CCDC191: variants seen among roughly 807,000 people sequenced by gnomAD.
The protein encoded by CCDC191 is coiled-coil domain-containing protein 191.
A neutral mutation model predicts 114.0 loss-of-function variants in CCDC191; 99 were observed. The ratio of observed to expected loss-of-function variants is 0.87; its 90% CI spans 0.74 to 1.03. The LOEUF (loss-of-function observed/expected upper bound fraction) is 1.03, where lower values mean the gene tolerates loss of function less well. Among genes scored for constraint, CCDC191 ranks in the 50% least tolerant of loss-of-function variants. The probability of loss-of-function intolerance (pLI) is 0.00; values close to 1 mark genes in which losing one functional copy is unlikely to be tolerated. For synonymous variants in CCDC191, 351 were observed against 376.0 expected (o/e 0.93, Z 0.77); for missense variants, 973 against 1,087.0 (o/e 0.90, Z 1.47).
intron 13 of CCDC191, among the ~76,000 whole-genome samples, chr3:113,996,170 T>A (rs1344819977): frequency 6.6e-6 from 1 of 152,120 alleles, no homozygotes; most frequent in African/African-American, 2.4e-5. Context: ...GCAATTGCTA[T>A]TGGTGTCTTT....
intron 3 of CCDC191, 55 bp from the exon 4 acceptor site, chr3:114,042,901 A>G (rs2076582368): frequency 3.4e-6 from 5 of 1,483,388 alleles, no homozygotes; most frequent in African/African-American, 1.4e-5. Context: ...GATTTTCTTT[A>G]TTCACTGTTT....
Position 114,004,733 on chromosome 3 carries a change from A to G in CCDC191, c.1882T>C (p.Ser628Pro). 1 of 1,609,756 alleles carries G rather than the reference A, an allele frequency of 6.2e-7. No individual in the cohort carries two copies. The highest frequency in any genetic ancestry group is 1.7e-5 in the Admixed American group (1 of 59,064). The change falls in exon 11 of 17, where the codon TCC becomes CCC. Residue 628 changes from serine to proline, a missense_variant. Physicochemically the swap from Ser to Pro is moderately conservative, Grantham distance 74. Transcript: ENST00000295878. ...TCACTTCTGCCTTCAGTCCCAGGGG[A>G]AGCAACAGGTGAACTAGGGAAAAAA... The part of the protein sequence containing the change: ...CQMLVNSPVA[S>P]PGTEGRSDSR...
chr3:114,049,890 A>G (rs1482285342), intron 2 of CCDC191, among the ~76,000 whole-genome samples: 1 of 152,216 alleles, frequency 6.6e-6, no homozygotes, highest in African/African-American at 2.4e-5. Flanking sequence ...TTAACAACTT[A>G]TTCTTTCAGC....
At position 113,986,887 on chromosome 3, in the gene CCDC191, G is replaced by A. The variant is rs568645155; in HGVS notation, c.2164-6094C>T. Among the ~76,000 whole-genome samples, 3 of 152,258 alleles carry A rather than the reference G, an allele frequency of 2.0e-5. No homozygotes were observed. The South Asian group carries it at 6.2e-4, about 32-fold the overall frequency. ...CACAGTGAGAAGAAGCTGTCTGCAA[G>A]CCAAGAAGACCCCTTTCCAAAAGCC... On this transcript the variant is annotated intron_variant, in intron 13 of 16. Transcript: ENST00000295878.
In CCDC191 at chr3:114,046,624, G is replaced by A; in HGVS notation, c.238C>T (p.Gln80Ter). The part of the protein sequence containing the change: ...GQITDLKTSE[Q>*]IEDHDEIYAE... ...TAGATTTCATCATGATCCTCTATTT[G>A]CTCAGATGTTTTCAAATCTGTGATT... Residue 80 changes from glutamine to a stop codon, truncating the protein, a stop_gained, in exon 3 of 17, where the codon CAA becomes TAA. Coordinates refer to ENST00000295878, the MANE Select transcript of CCDC191 (RefSeq NM_020817.2). LOFTEE classifies it high-confidence loss of function. 1 of 1,606,252 alleles carries A rather than the reference G, an allele frequency of 6.2e-7. No individual in the cohort carries two copies. Among genetic ancestry groups the A allele is most frequent in the Non-Finnish European group, 8.5e-7 (1 of 1,173,170 alleles).
chr3:114,036,878 A>G, intron 4 of CCDC191, 92 bp from the exon 5 acceptor site: 2 of 814,780 alleles, frequency 2.5e-6, no homozygotes, highest in East Asian at 6.3e-5. Flanking sequence ...CTAGTACAAT[A>G]AAAATACAAA....
intron 16 of CCDC191, among the ~76,000 whole-genome samples, chr3:113,973,053 A>G (rs1256767662): frequency 6.6e-6 from 1 of 152,086 alleles, no homozygotes; most frequent in Non-Finnish European, 1.5e-5. Flanking sequence ...ATTTATATTC[A>G]GTTATTGATA....
intron 8 of CCDC191, among the ~76,000 whole-genome samples, chr3:114,018,124 C>G (rs1304153544): frequency 6.6e-6 from 1 of 152,160 alleles, no homozygotes; most frequent in Admixed American, 6.5e-5. Context: ...GGTTGGCCCT[C>G]CCAGATGGAT....
At chr3:113,968,954 G>C (rs1042172891) in intron 16 of CCDC191, among the ~76,000 whole-genome samples, 6 of 152,134 alleles carry the variant, frequency 3.9e-5, no homozygotes, top group African/African-American at 9.7e-5. Context: ...TATGGCACTA[G>C]CATCTGTTTC....
rs1054189204 is a variant in CCDC191, at chr3:113,964,920, A to T, written c.*235T>A. On this transcript the variant is annotated 3_prime_UTR_variant, in exon 17 of 17. Coordinates refer to ENST00000295878, the MANE Select transcript of CCDC191 (RefSeq NM_020817.2). Reference sequence around the variant, plus strand: ...AAATATATAGGATATATTTGAACAGACGATCTCTAGAATGTTCCTTTGGAT... The same window carrying T: ...AAATATATAGGATATATTTGAACAGTCGATCTCTAGAATGTTCCTTTGGAT... The T allele has an allele frequency of 1.5e-5, 5 of 343,742 alleles. No individual in the cohort carries two copies. The Admixed American group carries it at 2.4e-4, about 16-fold the overall frequency. 21.3% of individuals were successfully genotyped at this position (343,742 alleles called of 1,614,324 possible).
chr3:113,978,146 G>C, intron 16 of CCDC191, 40 bp downstream of exon 16: 4 of 1,607,666 alleles, frequency 2.5e-6, no homozygotes, highest in Non-Finnish European at 3.4e-6. Flanking sequence ...GAGCAATTGT[G>C]AAGTCAGAGA....
rs1559878371 is a variant in CCDC191 at position 113,980,710 on chromosome 3, T to C, written c.2247A>G (p.Leu749=). ...IAKEHYERVL[L]RKKGLEPWKR... is the part of the protein sequence containing the mutation. ...TCCAAGGCTCTAGACCTTTTTTCCT[T>C]AGCAAGACCCTTTCATAATGTTCTT... The change falls in exon 14 of 17, where the codon CTA becomes CTG. Residue 749 remains leucine (L), a synonymous_variant. Transcript: ENST00000295878. The C allele has an allele frequency of 5.6e-6, 9 of 1,610,228 alleles. No individual in the cohort carries two copies. Among genetic ancestry groups the C allele is most frequent in the Non-Finnish European group, 7.6e-6 (9 of 1,178,868 alleles).
chr3:113,976,240 C>T (rs1051381043), intron 16 of CCDC191, among the ~76,000 whole-genome samples: 1 of 151,236 alleles, frequency 6.6e-6, no homozygotes, highest in Non-Finnish European at 1.5e-5. Flanking sequence ...GCCTGGGTGA[C>T]AGAGTAAGAC....
At chr3:114,003,094 A>T in intron 11 of CCDC191, 1 of 985,458 alleles carries the variant, frequency 1.0e-6, no homozygotes, top group Non-Finnish European at 1.2e-6. Flanking sequence ...AGGAAATGGA[A>T]TTGTACCAGG....
chr3:113,991,799 A>C (rs752213709), intron 13 of CCDC191, among the ~76,000 whole-genome samples: 6 of 152,228 alleles, frequency 3.9e-5, no homozygotes, highest in Non-Finnish European at 5.9e-5. Context: ...TGGAACCAAA[A>C]AGTGAGTTTA....
In CCDC191 at chr3:113,978,289, G is replaced by A. The variant is rs1386279688; in HGVS notation, c.2503C>T (p.His835Tyr). The A allele has an allele frequency of 1.9e-6, 3 of 1,613,800 alleles. No homozygotes were observed. In the African/African-American group the frequency reaches 4.0e-5, roughly 22 times the overall value. The change falls in exon 16 of 17, where the codon CAT becomes TAT. Residue 835 changes from histidine (H) to tyrosine (Y), a missense_variant. Transcript: ENST00000295878. ...CTGAAAATCTTCTTTTGAAGAAAAT[G>A]TACACAAAATTTTCTTACTTCTTCC... ...LQEEVRKFCV[H>Y]FLQKKIFRAW...
At chr3:113,965,678 C>T (rs1334990961) in intron 16 of CCDC191, among the ~76,000 whole-genome samples, 1 of 152,152 alleles carries the variant, frequency 6.6e-6, no homozygotes, top group Non-Finnish European at 1.5e-5. Context: ...CAACCTCTGC[C>T]TCCTGGGTTC....
In CCDC191 at chr3:114,010,909, T is replaced by C. The variant is rs2076058273; in HGVS notation, c.1276A>G (p.Lys426Glu). Residue 426 changes from lysine (K) to glutamate (E), a missense_variant, in exon 9 of 17, where the codon AAA (lysine) becomes GAA (glutamate). Lys to Glu is a moderately conservative substitution (Grantham distance 56). Coordinates refer to ENST00000295878, the MANE Select transcript of CCDC191 (RefSeq NM_020817.2). ...ELLKRELALT[K>E]EETRKKMDAL... ...TCCATCTTCTTCCTAGTTTCCTCTT[T>C]TGTGAGAGCCAGCTCTCTCTTCAGG... 6.2e-7 allele frequency: 1 copy of C among 1,614,004 alleles called. No homozygotes were observed. The highest frequency in any genetic ancestry group is 8.5e-7 in the Non-Finnish European group (1 of 1,179,964).
At chr3:114,026,232 G>A (rs1485440089) in intron 7 of CCDC191, among the ~76,000 whole-genome samples, 1 of 152,196 alleles carries the variant, frequency 6.6e-6, no homozygotes, top group Admixed American at 6.5e-5. Context: ...ACCTCTGTGA[G>A]AATGGGACAT....
Sources: allele counts gnomAD v4.1 joint callset (sites outside exome capture counted in the v4.1 genomes callset), GRCh38; gene constraint gnomAD v4.1.1; transcripts MANE v1.5; gene names NCBI Gene and HGNC (gene_info 2026-07-23, HGNC 2026-07-21).